The following TAGLN2 variants were observed in gnomAD, a reference collection of about 807,000 sequenced individuals.
The protein encoded by TAGLN2 is transgelin 2.
A neutral mutation model predicts 24.9 loss-of-function variants in TAGLN2; 14 were observed. The ratio of observed to expected loss-of-function variants is 0.56; its 90% CI spans 0.37 to 0.88. TAGLN2 has a LOEUF of 0.88. Ranked by LOEUF, TAGLN2 falls within the 40% of genes least tolerant of loss-of-function variation. The pLI is 0.00. For synonymous variants in TAGLN2, 77 were observed against 98.2 expected (o/e 0.78, Z 1.28); for missense variants, 208 against 258.9 (o/e 0.80, Z 1.35).
At chr1:159,920,218 G>C (rs1432518204) in intron 2 of TAGLN2, 112 bp downstream of exon 2, 1 of 1,540,786 alleles carries the variant, frequency 6.5e-7, no homozygotes, top group Non-Finnish European at 9.0e-7. Flanking sequence ...TGAGGAAGAG[G>C]CTGGGACATG....
In TAGLN2 at chr1:159,919,337, A is replaced by G. The variant is rs1174074445; in HGVS notation, c.395T>C (p.Leu132Pro). The G allele has an allele frequency of 6.2e-7, 1 of 1,614,222 alleles. No homozygotes were observed. Among genetic ancestry groups the G allele is most frequent in the Non-Finnish European group, 8.5e-7 (1 of 1,180,036 alleles). The stretch of plus-strand genomic sequence containing the variant: ...ATCTCGGGCTACTGCCAGCCCACCC[A>G]GATTCATCAGCGTCCGCTGCACACA... ...MACVQRTLMN[L>P]GGLAVARDDG... The change falls in exon 4 of 5, where the codon CTG (leucine) becomes CCG (proline). Residue 132 changes from leucine to proline, a missense_variant. Leu to Pro is a moderately conservative substitution (Grantham distance 98, BLOSUM62 -3). Coordinates refer to ENST00000368097, the MANE Select transcript of TAGLN2 (RefSeq NM_003564.3).
At chr1:159,922,208 C>T (rs899177520) in intron 1 of TAGLN2, among the ~76,000 whole-genome samples, 3 of 152,172 alleles carry the variant, frequency 2.0e-5, no homozygotes, top group South Asian at 2.1e-4. Flanking sequence ...ACCTCTCGGC[C>T]GCAGAGGCTG....
In TAGLN2 at chr1:159,923,360, A is replaced by AG. The variant is rs890165549; in HGVS notation, c.-29+2089dup. The AG allele has an allele frequency of 3.1e-5, 47 of 1,495,160 alleles. No individual in the cohort carries two copies. In the Middle Eastern group the frequency reaches 2.3e-3, roughly 72 times the overall value. 92.6% of individuals were successfully genotyped at this position (1,495,160 alleles called of 1,614,324 possible). On this transcript the variant is annotated intron_variant, in intron 1 of 4. Transcript: ENST00000368097. ...AGAACAACCCTCACCCTCACCCTGG[A>AG]GTTACAATAGGCGGGAAACGGGGAG... is the stretch of plus-strand genomic sequence containing the variant.
chr1:159,923,511 G>A (rs1002558919), intron 1 of TAGLN2: 96 of 1,539,024 alleles, frequency 6.2e-5, no homozygotes, highest in Non-Finnish European at 8.1e-5. Context: ...TGGCTAGGGT[G>A]TTTAATTGGG....
chr1:159,924,814 G>A (rs893652791), intron 1 of TAGLN2, among the ~76,000 whole-genome samples: 2 of 152,162 alleles, frequency 1.3e-5, no homozygotes, highest in Admixed American at 6.5e-5. Flanking sequence ...AGGGCACCCC[G>A]GGGCGCAGTC....
chr1:159,921,514 C>A (rs74230342), intron 1 of TAGLN2, among the ~76,000 whole-genome samples: 1,714 of 152,290 alleles, frequency 0.011, 20 homozygotes, highest in East Asian at 0.044. Flanking sequence ...TCTGCCAACA[C>A]CTGTATTTTA....
Position 159,925,479 on chromosome 1 carries a change from GACTCA to G in TAGLN2, c.-63_-59del, listed in dbSNP as rs1174248336. On this transcript the variant is annotated 5_prime_UTR_variant, in exon 1 of 5. Coordinates refer to ENST00000368097, the MANE Select transcript of TAGLN2 (RefSeq NM_003564.3). ...CAAGCGGGCTGGAGAGCGGCGCACT[GACTCA>G]AGGCAAGGGCTGCAGCTGCAAGTGG... 6.6e-6 allele frequency: 1 copy of G among 152,300 alleles called. No individual in the cohort carries two copies. Among genetic ancestry groups the G allele is most frequent in the East Asian group, 1.9e-4 (1 of 5,168 alleles). 9.4% of individuals were successfully genotyped at this position (152,300 alleles called of 1,614,324 possible).
chr1:159,921,575 GT>G (rs1430936209), intron 1 of TAGLN2, among the ~76,000 whole-genome samples: 1 of 152,232 alleles, frequency 6.6e-6, no homozygotes, highest in Non-Finnish European at 1.5e-5. Flanking sequence ...CTGTATTTGT[GT>G]TGCTTTAAAT....
chr1:159,922,519 T>G (rs1415695097), intron 1 of TAGLN2, among the ~76,000 whole-genome samples: 2 of 152,072 alleles, frequency 1.3e-5, no homozygotes, highest in Non-Finnish European at 1.5e-5. Context: ...CAGAGGCCAC[T>G]CCACCATAGA....
At chr1:159,919,057 C>G in intron 4 of TAGLN2, 116 bp from the exon 5 acceptor site, 1 of 1,511,620 alleles carries the variant, frequency 6.6e-7, no homozygotes, top group Admixed American at 1.9e-5. Flanking sequence ...GCTCTGCCCT[C>G]GAGAGCCATA....
chr1:159,924,456 C>T (rs1650639345), intron 1 of TAGLN2: 1 of 152,422 alleles, frequency 6.6e-6, no homozygotes, highest in Non-Finnish European at 1.5e-5. Context: ...CCCACTCTCA[C>T]CCCGTTTCTC....
At chr1:159,921,567 G>A (rs546342370) in intron 1 of TAGLN2, among the ~76,000 whole-genome samples, 3 of 152,360 alleles carry the variant, frequency 2.0e-5, no homozygotes, top group Admixed American at 6.5e-5. Context: ...GTAAGATGCT[G>A]TATTTGTGTT....
intron 2 of TAGLN2, 161 bp from the exon 3 acceptor site, chr1:159,919,996 G>T: frequency 1.2e-6 from 1 of 852,516 alleles, no homozygotes; most frequent in Non-Finnish European, 1.9e-6. Flanking sequence ...AGTCCTTCTT[G>T]CCAGCCTCCT....
intron 1 of TAGLN2, chr1:159,923,650 A>G: frequency 1.9e-6 from 1 of 532,324 alleles, no homozygotes; most frequent in South Asian, 3.3e-5. Context: ...GAGGTGCCAC[A>G]GCCAGCAGCA....
At position 159,918,824 on chromosome 1, in the gene TAGLN2, G is replaced by A. The variant is rs770454904; in HGVS notation, c.576C>T (p.Tyr192=). Residue 192 remains tyrosine, a synonymous_variant, in exon 5 of 5, where the codon TAC becomes TAT. Transcript: ENST00000368097. The part of the protein sequence containing the change: ...RGASQAGMTG[Y]GMPRQIL ...ATCAGAGGATCTGGCGTGGCATCCCGTAGCCAGTCATGCCTGCCTGAGACG... is the reference window on the plus strand; with the variant it reads ...ATCAGAGGATCTGGCGTGGCATCCCATAGCCAGTCATGCCTGCCTGAGACG... 2.6e-5 allele frequency: 42 copies of A among 1,614,208 alleles called. No individual in the cohort carries two copies. Among genetic ancestry groups the A allele is most frequent in the East Asian group, 1.3e-4 (6 of 44,892 alleles).
intron 1 of TAGLN2, among the ~76,000 whole-genome samples, chr1:159,922,417 G>T (rs187037447): frequency 1.3e-5 from 2 of 152,138 alleles, no homozygotes; most frequent in Non-Finnish European, 2.9e-5. Context: ...GACCCACAGC[G>T]CCAGGCACAC....
chr1:159,923,070 C>T (rs1650587911), intron 1 of TAGLN2, among the ~76,000 whole-genome samples: 1 of 152,280 alleles, frequency 6.6e-6, no homozygotes, highest in African/African-American at 2.4e-5. Flanking sequence ...CCCACCCCCA[C>T]GGGCAGGCAG....
chr1:159,922,669 C>T lies in TAGLN2; in HGVS notation c.-28-2132G>A, dbSNP rs371766182. On this transcript the variant is annotated intron_variant, in intron 1 of 4. Coordinates refer to ENST00000368097, the MANE Select transcript of TAGLN2 (RefSeq NM_003564.3). ...CTCCTGGGAGTGGCTGTGCTCAGGG[C>T]TGTTTCCAGGGACCAAGTGGCCTGA... Among the ~76,000 whole-genome samples the T allele has an allele frequency of 2.4e-4, 37 of 152,316 alleles. 2 individuals carry two copies. In the South Asian group the frequency reaches 7.7e-3, roughly 32 times the overall value.
intron 1 of TAGLN2, among the ~76,000 whole-genome samples, chr1:159,921,921 C>T (rs1650544036): frequency 6.6e-6 from 1 of 152,254 alleles, no homozygotes; most frequent in South Asian, 2.1e-4. Flanking sequence ...GTCCCATCCC[C>T]ACCCTGGTTT....
Sources: gnomAD v4.1 joint callset for allele counts (sites outside exome capture counted in the v4.1 genomes callset) on GRCh38, gnomAD v4.1.1 for gene constraint, MANE v1.5 for transcripts, NCBI Gene and HGNC (gene_info 2026-07-23, HGNC 2026-07-21) for gene names.